The following CLIP3 variants were observed in gnomAD, a reference collection of about 807,000 sequenced individuals.
CLIP3 encodes the protein CAP-Gly domain-containing linker protein 3.
CLIP3 carries 15 observed loss-of-function variants against 59.4 expected under a neutral mutation model. The ratio of observed to expected loss-of-function variants is 0.25; its 90% CI spans 0.17 to 0.39. The LOEUF (loss-of-function observed/expected upper bound fraction) is 0.39, where lower values mean the gene tolerates loss of function less well. Ranked by LOEUF, CLIP3 falls within the 10% of genes least tolerant of loss-of-function variation. The pLI is 1.00. For synonymous variants in CLIP3, 300 were observed against 321.6 expected, an observed-to-expected ratio of 0.93 and a Z score of 0.72; for missense variants, 495 against 765.7, an observed-to-expected ratio of 0.65 and a Z score of 4.17.
At chr19:36,021,569 G>A (rs1465306976) in intron 7 of CLIP3, among the ~76,000 whole-genome samples, 1 of 152,162 alleles carries the variant, frequency 6.6e-6, no homozygotes, top group Non-Finnish European at 1.5e-5. Flanking sequence ...GACTATAGGT[G>A]TGTGCCACCA....
chr19:36,017,011 G>T, intron 12 of CLIP3, 32 bp from the exon 13 acceptor site: 1 of 1,610,008 alleles, frequency 6.2e-7, no homozygotes, highest in South Asian at 1.1e-5. Context: ...CAAGTGAGGG[G>T]ATGACAGACC....
intron 9 of CLIP3, among the ~76,000 whole-genome samples, chr19:36,018,550 C>T (rs1265780242): frequency 6.6e-6 from 1 of 150,388 alleles, no homozygotes; most frequent in Admixed American, 6.6e-5. Context: ...CCACCACGCT[C>T]CAGCCTGGGC....
chr19:36,032,273 C>G lies in CLIP3; in HGVS notation c.85G>C (p.Glu29Gln). ...EEEEEDEPVP[E>Q]APSPTQERRQ... is the part of the protein sequence containing the mutation. ...CGCTCCTGGGTGGGGCTGGGGGCCT[C>G]GGGGACGGGTTCATCCTCCTCCTCC... is the stretch of plus-strand genomic sequence containing the variant. The change falls in exon 2 of 14, where the codon GAG becomes CAG. Residue 29 changes from glutamate (E) to glutamine (Q), a missense_variant. Coordinates refer to ENST00000360535, the MANE Select transcript of CLIP3 (RefSeq NM_015526.3). The surrounding 1 kb of genome is among the most constrained non-coding windows in gnomAD (Gnocchi z 4.3). 7.7e-7 allele frequency: 1 copy of G among 1,297,338 alleles called. No homozygotes were observed. The highest frequency in any genetic ancestry group is 9.9e-7 in the Non-Finnish European group (1 of 1,014,122). The allele number at this position is 1,297,338 out of a possible 1,614,324, so 80.4% of individuals were successfully genotyped here.
At chr19:36,019,356 A>G in intron 7 of CLIP3, 50 bp from the exon 8 acceptor site, 1 of 1,567,078 alleles carries the variant, frequency 6.4e-7, no homozygotes, top group Non-Finnish European at 8.6e-7. Flanking sequence ...TGGGAGGCCA[A>G]CGTGGAGTGC....
At chr19:36,023,981 T>C (rs1969021624) in intron 7 of CLIP3, among the ~76,000 whole-genome samples, 1 of 152,158 alleles carries the variant, frequency 6.6e-6, no homozygotes, top group Non-Finnish European at 1.5e-5. Flanking sequence ...CATCTGCAAT[T>C]TGGGTACATT....
rs911807384 is a variant in CLIP3 at position 36,020,415 on chromosome 19, C to T, written c.919-1109G>A. ...GTCAGGAGTTCAAGACCAGCCTGGC[C>T]AACATGGTGAAACCCCCATCTCTAC... On this transcript the variant is annotated intron_variant, in intron 7 of 13. Coordinates refer to ENST00000360535, the MANE Select transcript of CLIP3 (RefSeq NM_015526.3). Among the ~76,000 whole-genome samples the T allele has an allele frequency of 3.9e-5, 6 of 151,978 alleles. No homozygotes were observed. The South Asian group carries it at 6.2e-4, about 16-fold the overall frequency.
intron 7 of CLIP3, among the ~76,000 whole-genome samples, chr19:36,019,690 C>T (rs1290245291): frequency 6.6e-6 from 1 of 151,548 alleles, no homozygotes; most frequent in East Asian, 2.0e-4. Context: ...GCAAATTCCA[C>T]TTCCTGGGTT....
chr19:36,016,222 A>G lies in CLIP3; in HGVS notation c.1590-10T>C. On this transcript the variant is annotated splice_polypyrimidine_tract_variant and intron_variant, in intron 13 of 13. Coordinates refer to ENST00000360535, the MANE Select transcript of CLIP3 (RefSeq NM_015526.3). This position sits in a 1 kb window ranked among gnomAD's most constrained non-coding sequence, Gnocchi z 4.1. The stretch of plus-strand genomic sequence containing the variant: ...GCAGCAGAACAGCAACCTGGAAAGG[A>G]GGATGACAGGGTCACGCCCTTAGGC... 1 of 1,614,068 alleles carries G rather than the reference A, an allele frequency of 6.2e-7. No individual in the cohort carries two copies. Among genetic ancestry groups the G allele is most frequent in the Non-Finnish European group, 8.5e-7 (1 of 1,179,964 alleles).
intron 2 of CLIP3, among the ~76,000 whole-genome samples, chr19:36,030,715 A>C (rs1260768479): frequency 6.6e-6 from 1 of 152,240 alleles, no homozygotes; most frequent in Non-Finnish European, 1.5e-5. Flanking sequence ...AGGCCCTTCC[A>C]GATCTGGCCT....
At position 36,032,207 on chromosome 19, in the gene CLIP3, G is replaced by T; in HGVS notation, c.151C>A (p.Leu51Ile). ...PVVHPSAPAP[L>I]PKDYAFTFFD... ...CAGTGGTTACCGTAGTCCTTAGGGAGGGGGGCAGGTGCCGAGGGGTGCACA... is the reference window on the plus strand; with the variant it reads ...CAGTGGTTACCGTAGTCCTTAGGGATGGGGGCAGGTGCCGAGGGGTGCACA... Residue 51 changes from leucine (L) to isoleucine (I), a missense_variant, in exon 2 of 14, where the codon CTC becomes ATC. Around this residue, in one of 5 missense-constraint regions of CLIP3, gnomAD observed 90 missense variants for 105.2 expected, o/e 0.86. Coordinates refer to ENST00000360535, the MANE Select transcript of CLIP3 (RefSeq NM_015526.3). The surrounding 1 kb of genome is among the most constrained non-coding windows in gnomAD (Gnocchi z 4.3). 7.7e-7 allele frequency: 1 copy of T among 1,292,028 alleles called. No homozygotes were observed. Among genetic ancestry groups the T allele is most frequent in the East Asian group, 3.0e-5 (1 of 33,798 alleles). The allele number at this position is 1,292,028 out of a possible 1,614,324, so 80.0% of individuals were successfully genotyped here. A position where few individuals can be genotyped will look rare whatever the true frequency, so the allele number is the denominator to read the frequency against.
rs367685399 is a variant in CLIP3 at position 36,018,908 on chromosome 19, C to T, written c.1173G>A (p.Arg391=). ...GATCCCCTCTCTGACCTTTGTGTTC[C>T]CTGCGGCCTTTGCCGGTGACACGGG... ...DFSRVTGKGR[R]EHKGKKKTPS... is the part of the protein sequence containing the mutation. The change falls in exon 9 of 14, where the codon AGG becomes AGA. Residue 391 remains arginine, a synonymous_variant. Coordinates refer to ENST00000360535, the MANE Select transcript of CLIP3 (RefSeq NM_015526.3). 20 of 1,613,522 alleles carry T rather than the reference C, an allele frequency of 1.2e-5. No individual in the cohort carries two copies. The East Asian group carries it at 2.2e-4, about 18-fold the overall frequency.
intron 9 of CLIP3, among the ~76,000 whole-genome samples, chr19:36,018,281 G>A (rs921139066): frequency 6.6e-6 from 1 of 152,040 alleles, no homozygotes; most frequent in Admixed American, 6.6e-5. Flanking sequence ...GGAAAATTGG[G>A]TCCGAGAGTA....
At chr19:36,025,625 TG>T (rs1171264509) in intron 6 of CLIP3, among the ~76,000 whole-genome samples, 7 of 144,610 alleles carry the variant, frequency 4.8e-5, no homozygotes, top group Non-Finnish European at 1.1e-4. Flanking sequence ...AGAGTGAGAG[TG>T]GGCTCCTGTG....
Position 36,017,369 on chromosome 19 carries a change from A to G in CLIP3, c.1516+17T>C. On this transcript the variant is annotated intron_variant, in intron 12 of 13. Transcript: ENST00000360535. ...CCCAAACGTACACTCCTCCCAACAT[A>G]TCATCCCCTAACTCACTTGTCACTT... 1 of 1,613,140 alleles carries G rather than the reference A, an allele frequency of 6.2e-7. No homozygotes were observed. The highest frequency in any genetic ancestry group is 8.5e-7 in the Non-Finnish European group (1 of 1,179,176).
At chr19:36,022,173 C>A (rs1968969198) in intron 7 of CLIP3, among the ~76,000 whole-genome samples, 1 of 152,184 alleles carries the variant, frequency 6.6e-6, no homozygotes, top group African/African-American at 2.4e-5. Context: ...AGGCACCGCG[C>A]CCCGACAATT....
At chr19:36,027,540 C>A (rs1047731603) in intron 2 of CLIP3, among the ~76,000 whole-genome samples, 4 of 152,120 alleles carry the variant, frequency 2.6e-5, no homozygotes, top group Admixed American at 2.0e-4. Flanking sequence ...AACTCCACCC[C>A]CTGAAACAAA....
In CLIP3 at chr19:36,024,521, C is replaced by A; in HGVS notation, c.793G>T (p.Ala265Ser). Reference sequence around the variant, plus strand: ...GGGAGGGCGCAAGATAGTGGCACTGCCTCTTCCAGAAGCGTCCGCAGCTCC... The same window carrying A: ...GGGAGGGCGCAAGATAGTGGCACTGACTCTTCCAGAAGCGTCCGCAGCTCC... ...AKELRTLLEE[A>S]VPLSCALPKV... The change falls in exon 7 of 14, where the codon GCA (alanine) becomes TCA (serine). Residue 265 changes from alanine (A) to serine (S), a missense_variant. By Grantham distance (99) the Ala-to-Ser change is moderately conservative (BLOSUM62 1). Transcript: ENST00000360535. 1.2e-6 allele frequency: 2 copies of A among 1,614,264 alleles called. No individual in the cohort carries two copies. Among genetic ancestry groups the A allele is most frequent in the African/African-American group, 1.3e-5 (1 of 75,076 alleles).
chr19:36,014,813 T>C lies in CLIP3; in HGVS notation c.*1345A>G, dbSNP rs1968746397. On this transcript the variant is annotated 3_prime_UTR_variant, in exon 14 of 14. Transcript: ENST00000360535. ...CAGGTTCTCCCTCGAGCTGTTGGTCTGGCCCAGGTGCTGTGGGGTCCTTTG... is the reference window on the plus strand; with the variant it reads ...CAGGTTCTCCCTCGAGCTGTTGGTCCGGCCCAGGTGCTGTGGGGTCCTTTG... 2 of 157,000 alleles carry C rather than the reference T, an allele frequency of 1.3e-5. No homozygotes were observed. Among genetic ancestry groups the C allele is most frequent in the Admixed American group, 6.5e-5 (1 of 15,298 alleles). The allele number at this position is 157,000 out of a possible 1,614,324, so 9.7% of individuals were successfully genotyped here.
intron 7 of CLIP3, among the ~76,000 whole-genome samples, chr19:36,022,256 GC>G (rs1968972137): frequency 6.6e-6 from 1 of 152,152 alleles, no homozygotes; most frequent in African/African-American, 2.4e-5. Flanking sequence ...TTTAGTATGC[GC>G]TGGACTCTGT....
Sources: allele counts gnomAD v4.1 joint callset (sites outside exome capture counted in the v4.1 genomes callset), GRCh38; gene constraint gnomAD v4.1.1; regional missense constraint gnomAD v4.1.1; non-coding constraint Gnocchi (gnomAD v3.1); transcripts MANE v1.5; gene names NCBI Gene and HGNC (gene_info 2026-07-23, HGNC 2026-07-21).